The following ATP8A2 variants were observed in gnomAD, a reference collection of about 807,000 sequenced individuals.
The protein encoded by ATP8A2 is phospholipid-transporting ATPase IB.
ATP8A2 carries 100 observed loss-of-function variants against 165.6 expected under a neutral mutation model. That is an observed-to-expected ratio of 0.60 (90% confidence interval 0.51 to 0.71). The LOEUF is 0.71. Ranked by LOEUF, ATP8A2 falls within the 30% of genes least tolerant of loss-of-function variation. ATP8A2 has a pLI of 0.00. For missense variants in ATP8A2, 1,227 were observed against 1,479.5 expected (o/e 0.83, Z 2.80); for synonymous variants, 543 against 548.8 (o/e 0.99, Z 0.15).
At chr13:25,587,086 A>AGTAG (rs1457750215) in intron 23 of ATP8A2, among the ~76,000 whole-genome samples, 3 of 152,212 alleles carry the variant, frequency 2.0e-5, no homozygotes, top group Non-Finnish European at 4.4e-5. Flanking sequence ...AGATTAAAGA[A>AGTAG]GTAGACCTCA....
At chr13:25,464,224 A>T (rs2035575284) in intron 1 of ATP8A2, among the ~76,000 whole-genome samples, 1 of 152,116 alleles carries the variant, frequency 6.6e-6, no homozygotes, top group African/African-American at 2.4e-5. Context: ...TCTACAGGTG[A>T]ATAGGAATTT....
chr13:25,982,852 AG>A (rs2139261461), intron 35 of ATP8A2, among the ~76,000 whole-genome samples: 1 of 152,336 alleles, frequency 6.6e-6, no homozygotes, highest in African/African-American at 2.4e-5. Flanking sequence ...TTCTTCCATT[AG>A]GCATAGCAGA....
intron 2 of ATP8A2, among the ~76,000 whole-genome samples, chr13:25,493,539 A>G (rs1214328988): frequency 6.6e-6 from 1 of 152,202 alleles, no homozygotes; most frequent in Non-Finnish European, 1.5e-5. Context: ...ATTACTAAAC[A>G]TATGCGGGAA....
chr13:25,875,058 T>C (rs770743508), intron 33 of ATP8A2, among the ~76,000 whole-genome samples: 7 of 151,726 alleles, frequency 4.6e-5, no homozygotes, highest in Non-Finnish European at 7.4e-5. Context: ...TGAGTACTCG[T>C]AGAGACAGGA....
rs375083297 is a variant in ATP8A2 at position 25,497,056 on chromosome 13, AC to A, written c.221+27937del. On this transcript the variant is annotated intron_variant, in intron 2 of 36. Coordinates refer to ENST00000381655, the MANE Select transcript of ATP8A2 (RefSeq NM_016529.6). ...CGGCAGGCTGCGGGGCCCTCAGAGG[AC>A]CAGTCACCTCCTGCAGGTGTGTGTT... is the stretch of plus-strand genomic sequence containing the variant. Among the ~76,000 whole-genome samples the A allele has an allele frequency of 3.3e-5, 5 of 152,260 alleles. No individual in the cohort carries two copies. In the South Asian group the frequency reaches 1.0e-3, roughly 32 times the overall value.
At chr13:25,447,018 G>A (rs2035088348) in intron 1 of ATP8A2, among the ~76,000 whole-genome samples, 2 of 152,016 alleles carry the variant, frequency 1.3e-5, no homozygotes, top group Non-Finnish European at 2.9e-5. Flanking sequence ...ACCACACCTG[G>A]CCTTAAACCT....
chr13:25,456,267 T>C (rs1042056644), intron 1 of ATP8A2, among the ~76,000 whole-genome samples: 2 of 152,238 alleles, frequency 1.3e-5, no homozygotes, highest in South Asian at 2.1e-4. Flanking sequence ...TGAACATCCA[T>C]AGCTCTCACT....
At chr13:25,628,039 G>A (rs1040414890) in intron 24 of ATP8A2, among the ~76,000 whole-genome samples, 22 of 152,148 alleles carry the variant, frequency 1.4e-4, no homozygotes, top group African/African-American at 5.3e-4. Flanking sequence ...CATATTGCAT[G>A]GTGAACTGGG....
intron 1 of ATP8A2, among the ~76,000 whole-genome samples, chr13:25,445,682 C>CGTCAAAT (rs1195861940): frequency 6.6e-6 from 1 of 152,076 alleles, no homozygotes; most frequent in Non-Finnish European, 1.5e-5. Context: ...GACTCATTGG[C>CGTCAAAT]GTCAAATAAT....
At chr13:25,827,435 C>T (rs1196225536) in intron 27 of ATP8A2, among the ~76,000 whole-genome samples, 1 of 152,132 alleles carries the variant, frequency 6.6e-6, no homozygotes, top group Non-Finnish European at 1.5e-5. Context: ...TATCCCTTGT[C>T]ATGTACACTA....
At chr13:25,574,694 G>GA (rs1179295416) in intron 18 of ATP8A2, 114 bp from the exon 19 acceptor site, 1 of 742,984 alleles carries the variant, frequency 1.3e-6, no homozygotes, top group Non-Finnish European at 2.4e-6. Context: ...CAAAGGGCTA[G>GA]AAGGTGGGAA....
chr13:25,409,545 T>G (rs2033905701), intron 1 of ATP8A2, among the ~76,000 whole-genome samples: 1 of 152,184 alleles, frequency 6.6e-6, no homozygotes, highest in South Asian at 2.1e-4. Flanking sequence ...ATCATGAGCT[T>G]CAGACAGAGC....
chr13:25,401,646 G>A (rs2033639676), intron 1 of ATP8A2, among the ~76,000 whole-genome samples: 2 of 152,120 alleles, frequency 1.3e-5, no homozygotes, highest in South Asian at 4.1e-4. Context: ...CAGTAGATGT[G>A]TCCAGTATTC....
chr13:25,961,793 C>A, intron 34 of ATP8A2, 130 bp downstream of exon 34: 1 of 698,380 alleles, frequency 1.4e-6, no homozygotes, highest in Non-Finnish European at 2.4e-6. Flanking sequence ...TGCCACCTGC[C>A]AGAAATGAAA....
At chr13:25,952,940 G>T (rs1955410277) in intron 33 of ATP8A2, among the ~76,000 whole-genome samples, 1 of 152,148 alleles carries the variant, frequency 6.6e-6, no homozygotes, top group South Asian at 2.1e-4. Flanking sequence ...GAAAACCAAG[G>T]TTTTCAGAAA....
chr13:25,847,794 G>C (rs993241696), intron 30 of ATP8A2, among the ~76,000 whole-genome samples: 1 of 152,128 alleles, frequency 6.6e-6, no homozygotes, highest in Non-Finnish European at 1.5e-5. Flanking sequence ...AATTCCTGAA[G>C]TTAGCAAATG....
intron 23 of ATP8A2, among the ~76,000 whole-genome samples, chr13:25,584,572 C>T (rs1281419016): frequency 6.6e-6 from 1 of 152,094 alleles, no homozygotes; most frequent in East Asian, 1.9e-4. Flanking sequence ...TTTCTGAAAA[C>T]TCTTTTTTTA....
intron 17 of ATP8A2, 89 bp from the exon 18 acceptor site, chr13:25,571,521 G>C: frequency 6.5e-6 from 6 of 930,200 alleles, no homozygotes; most frequent in Non-Finnish European, 1.0e-5. Context: ...CTTCAGTAGA[G>C]CGGATTTTGT....
chr13:25,531,137 G>GTATATATGT lies in ATP8A2; in HGVS notation c.420+484_420+485insGTTATATAT, dbSNP rs1555291005. Among the ~76,000 whole-genome samples, 15 of 135,524 alleles carry GTATATATGT rather than the reference G, an allele frequency of 1.1e-4. No individual in the cohort carries two copies. In the South Asian group the frequency reaches 1.5e-3, roughly 14 times the overall value. The allele number at this position is 135,524 out of a possible 152,430, so 88.9% of individuals were successfully genotyped here. ...TCCCCCTATATATTTGTGTGTGTGT[G>GTATATATGT]TATATATATGTTATATATATGATAT... On this transcript the variant is annotated intron_variant, in intron 4 of 36. Transcript: ENST00000381655.
Sources: allele counts gnomAD v4.1 joint callset (sites outside exome capture counted in the v4.1 genomes callset), GRCh38; gene constraint gnomAD v4.1.1; transcripts MANE v1.5; gene names NCBI Gene and HGNC (gene_info 2026-07-23, HGNC 2026-07-21).